ADGRV1: variants seen among roughly 807,000 people sequenced by gnomAD.
ADGRV1 encodes the protein adhesion G protein-coupled receptor V1.
A neutral mutation model predicts 596.2 loss-of-function variants in ADGRV1; 359 were observed. The observed-to-expected ratio is 0.60, with a 90% confidence interval of 0.55 to 0.66. The LOEUF (loss-of-function observed/expected upper bound fraction) is 0.66, where lower values mean the gene tolerates loss of function less well. Ranked by LOEUF, ADGRV1 falls within the 30% of genes least tolerant of loss-of-function variation. The pLI, the probability that ADGRV1 is intolerant of heterozygous loss-of-function variation, is 0.00. For synonymous variants in ADGRV1, 2,681 were observed against 2,679.2 expected (o/e 1.00, Z -0.02); for missense variants, 7,274 against 7,575.6 (o/e 0.96, Z 1.48).
At chr5:91,156,230 C>T (rs1434654669) in intron 89 of ADGRV1, among the ~76,000 whole-genome samples, 1 of 151,484 alleles carries the variant, frequency 6.6e-6, no homozygotes, top group African/African-American at 2.4e-5. Flanking sequence ...ATCTGGGAGA[C>T]TGGAAGGAGA....
Position 90,579,709 on chromosome 5 carries a change from T to TA in ADGRV1, c.22+20795dup, listed in dbSNP as rs202229716. 3.1e-3 allele frequency among the ~76,000 whole-genome samples: 478 copies of TA among 152,270 alleles called. 5 individuals carry two copies. The highest frequency in any genetic ancestry group is 0.011 in the African/African-American group (467 of 41,548). On this transcript the variant is annotated intron_variant, in intron 1 of 89. Transcript: ENST00000405460. ...CTGTCTAATGTTGACAGTGGGGTGTTAAAGTCTCCCATTATTATTGTGTGG... is the reference window on the plus strand; with the variant it reads ...CTGTCTAATGTTGACAGTGGGGTGTTAAAAGTCTCCCATTATTATTGTGTGG...
chr5:90,794,984 A>G (rs1173448597), intron 70 of ADGRV1, among the ~76,000 whole-genome samples: 2 of 151,886 alleles, frequency 1.3e-5, no homozygotes, highest in Admixed American at 1.3e-4. Flanking sequence ...ATCACAACCT[A>G]CACAGACAGG....
chr5:91,123,439 A>C (rs1793495839), intron 87 of ADGRV1, among the ~76,000 whole-genome samples: 1 of 152,120 alleles, frequency 6.6e-6, no homozygotes, highest in African/African-American at 2.4e-5. Flanking sequence ...CTCACATGGC[A>C]GAAGAGCAAA....
intron 85 of ADGRV1, among the ~76,000 whole-genome samples, chr5:91,032,590 A>G (rs541656440): frequency 1.3e-5 from 2 of 151,912 alleles, no homozygotes; most frequent in East Asian, 1.9e-4. Flanking sequence ...ATAATTATAT[A>G]TATATTTTAC....
chr5:90,980,300 C>G, intron 84 of ADGRV1, among the ~76,000 whole-genome samples: 1 of 152,062 alleles, frequency 6.6e-6, no homozygotes, highest in East Asian at 1.9e-4. Context: ...TGTCTCTTTC[C>G]AACTGACAAA....
Position 90,753,619 on chromosome 5 carries a change from A to G in ADGRV1, c.11167A>G (p.Ile3723Val). Residue 3723 changes from isoleucine (I) to valine (V), a missense_variant, in exon 54 of 90, where the codon ATT becomes GTT. Physicochemically the swap from Ile to Val is conservative, Grantham distance 29 (BLOSUM62 3). Around this residue, in one of 5 missense-constraint regions of ADGRV1, gnomAD observed 3,643 missense variants for 3,809.2 expected, o/e 0.96. Coordinates refer to ENST00000405460, the MANE Select transcript of ADGRV1 (RefSeq NM_032119.4). ...GQVLSTITLT[I>V]LADNIPELSE... The stretch of plus-strand genomic sequence containing the variant: ...GGTACTGTCAACAATCACTCTAACT[A>G]TTCTTGCTGATAATATACCAGAGTT... The G allele has an allele frequency of 1.9e-6, 3 of 1,611,794 alleles. No homozygotes were observed. Among genetic ancestry groups the G allele is most frequent in the Non-Finnish European group, 2.5e-6 (3 of 1,177,960 alleles).
At chr5:90,865,541 A>C (rs145664561) in intron 83 of ADGRV1, among the ~76,000 whole-genome samples, 1 of 152,244 alleles carries the variant, frequency 6.6e-6, no homozygotes, top group African/African-American at 2.4e-5. Flanking sequence ...AGTCATATCC[A>C]TGTTTTTCAG....
At position 90,705,497 on chromosome 5, in the gene ADGRV1, T is replaced by C. The variant is rs1748476050; in HGVS notation, c.8484T>C (p.Phe2828=). ...ATGAACCACATGGAGTTTTAAATTT[T>C]GCTCTTTCATCAAGATTTGTGTTAC... The part of the protein sequence containing the change: ...ASDEPHGVLN[F]ALSSRFVLLQ... The change falls in exon 37 of 90, where the codon TTT becomes TTC. Residue 2828 remains phenylalanine, a synonymous_variant. Transcript: ENST00000405460. 2 of 1,613,928 alleles carry C rather than the reference T, an allele frequency of 1.2e-6. No individual in the cohort carries two copies. Among genetic ancestry groups the C allele is most frequent in the Non-Finnish European group, 1.7e-6 (2 of 1,179,822 alleles).
intron 21 of ADGRV1, 82 bp downstream of exon 21, chr5:90,658,360 G>A (rs1580626489): frequency 3.0e-6 from 4 of 1,338,336 alleles, no homozygotes; most frequent in East Asian, 4.7e-5. Context: ...CTTTCATTTG[G>A]TAAGATTGGT....
At chr5:91,127,188 T>A (rs1793831846) in intron 87 of ADGRV1, among the ~76,000 whole-genome samples, 1 of 152,144 alleles carries the variant, frequency 6.6e-6, no homozygotes, top group Admixed American at 6.6e-5. Flanking sequence ...TAGTTGCTAT[T>A]ATCCCTTGAA....
At chr5:90,833,515 GCT>G (rs1764696311) in intron 77 of ADGRV1, among the ~76,000 whole-genome samples, 2 of 152,028 alleles carry the variant, frequency 1.3e-5, no homozygotes, top group Admixed American at 6.6e-5. Flanking sequence ...AAACTCCTGG[GCT>G]CAAGCAATCC....
intron 34 of ADGRV1, among the ~76,000 whole-genome samples, chr5:90,699,566 T>C (rs1396207753): frequency 1.3e-5 from 2 of 152,104 alleles, no homozygotes; most frequent in East Asian, 3.9e-4. Context: ...GAAATTTCTT[T>C]TCTAAGGAAT....
rs116458265 is a variant in ADGRV1, at chr5:90,816,104, C to A, written c.16196+368C>A. On this transcript the variant is annotated intron_variant, in intron 75 of 89. Coordinates refer to ENST00000405460, the MANE Select transcript of ADGRV1 (RefSeq NM_032119.4). ...CTGTATAGTAGCATCTTTAGATGCT[C>A]ATCACATACACGTGCTTGGTATGCA... 2.3e-3 allele frequency among the ~76,000 whole-genome samples: 357 copies of A among 152,276 alleles called. 1 individual carries two copies. The highest frequency in any genetic ancestry group is 8.4e-3 in the African/African-American group (347 of 41,554).
At chr5:90,666,949 T>C (rs1157833350) in intron 21 of ADGRV1, among the ~76,000 whole-genome samples, 1 of 152,084 alleles carries the variant, frequency 6.6e-6, no homozygotes, top group South Asian at 2.1e-4. Context: ...CCCACTCTCT[T>C]CTGGCTTGTA....
At chr5:91,021,742 AC>A (rs1783648034) in intron 85 of ADGRV1, among the ~76,000 whole-genome samples, 1 of 152,122 alleles carries the variant, frequency 6.6e-6, no homozygotes, top group Non-Finnish European at 1.5e-5. Flanking sequence ...GCACAGACAA[AC>A]AGTGATCCTT....
chr5:90,784,012 A>C lies in ADGRV1; in HGVS notation c.13608A>C (p.Leu4536Phe). 2 of 1,613,122 alleles carry C rather than the reference A, an allele frequency of 1.2e-6. No individual in the cohort carries two copies. Among genetic ancestry groups the C allele is most frequent in the Non-Finnish European group, 1.7e-6 (2 of 1,179,484 alleles). The change falls in exon 67 of 90, where the codon TTA becomes TTC. Residue 4536 changes from leucine to phenylalanine, a missense_variant. Transcript: ENST00000405460. ...SIANPNSTMI[L>F]SLVLERTGGL... ...CTAATCCCAATTCCACAATGATTTT[A>C]TCACTGGTGCTGGAGCGGACTGGAG...
At chr5:90,915,429 A>G (rs914810354) in intron 83 of ADGRV1, among the ~76,000 whole-genome samples, 7 of 152,166 alleles carry the variant, frequency 4.6e-5, no homozygotes, top group African/African-American at 1.7e-4. Context: ...ATTACTTATT[A>G]ATCTCTGTGT....
chr5:90,612,190 C>G (rs1016576289), intron 1 of ADGRV1, among the ~76,000 whole-genome samples: 2 of 151,938 alleles, frequency 1.3e-5, no homozygotes, highest in African/African-American at 2.4e-5. Context: ...AGCATTTGAG[C>G]TCATTGGTCC....
At chr5:90,606,821 T>C (rs1206348816) in intron 1 of ADGRV1, among the ~76,000 whole-genome samples, 1 of 152,114 alleles carries the variant, frequency 6.6e-6, no homozygotes, top group Non-Finnish European at 1.5e-5. Context: ...TTTCCTTTGA[T>C]GCTTTGCTGT....
Sources: allele counts gnomAD v4.1 joint callset (sites outside exome capture counted in the v4.1 genomes callset), GRCh38; gene constraint gnomAD v4.1.1; regional missense constraint gnomAD v4.1.1; transcripts MANE v1.5; gene names NCBI Gene and HGNC (gene_info 2026-07-23, HGNC 2026-07-21).